Variants in MYLK4 observed in about 807,000 individuals in gnomAD.
MYLK4 encodes myosin light chain kinase family member 4.
In MYLK4, 46 loss-of-function variants were observed where a neutral mutation model predicts 48.1. That is an observed-to-expected ratio of 0.96 (90% CI 0.75 to 1.22). The LOEUF (loss-of-function observed/expected upper bound fraction) is 1.22, where lower values mean the gene tolerates loss of function less well. Ranked by LOEUF, MYLK4 falls within the 50% of genes most tolerant of loss-of-function variation. MYLK4 has a pLI of 0.00. For synonymous variants in MYLK4, 170 were observed against 180.8 expected, an observed-to-expected ratio of 0.94 and a Z score of 0.48; for missense variants, 451 against 486.1, an observed-to-expected ratio of 0.93 and a Z score of 0.68.
rs946674377 is a variant in MYLK4 at position 2,664,885 on chromosome 6, T to C, written c.*3040A>G. The C allele has an allele frequency of 6.6e-6, 1 of 152,310 alleles. No individual in the cohort carries two copies. Among genetic ancestry groups the C allele is most frequent in the South Asian group, 2.1e-4 (1 of 4,822 alleles). The allele number at this position is 152,310 out of a possible 1,614,324, so 9.4% of individuals were successfully genotyped here. A position where few individuals can be genotyped will look rare whatever the true frequency, so the allele number is the denominator to read the frequency against. On this transcript the variant is annotated 3_prime_UTR_variant, in exon 13 of 13. Coordinates refer to ENST00000274643, the MANE Select transcript of MYLK4 (RefSeq NM_001012418.5). ...TAGCAAATGGGGACATGTGCCCTCC[T>C]CTCCCTGATTTTTAAATAGCAACAG...
At chr6:2,721,616 G>T (rs1763073013) in intron 2 of MYLK4, among the ~76,000 whole-genome samples, 1 of 152,216 alleles carries the variant, frequency 6.6e-6, no homozygotes, top group Non-Finnish European at 1.5e-5. Flanking sequence ...TGCTACCCAA[G>T]ACTGCCTCAT....
intron 7 of MYLK4, 93 bp from the exon 8 acceptor site, chr6:2,680,384 A>G (rs1433497998): frequency 1.3e-6 from 2 of 1,593,608 alleles, no homozygotes; most frequent in African/African-American, 2.7e-5. Flanking sequence ...CGATGCTCAG[A>G]AAAAACATAT....
chr6:2,675,167 A>G lies in MYLK4; in HGVS notation c.1041-42T>C, dbSNP rs764335208. On this transcript the variant is annotated intron_variant, in intron 10 of 12. Transcript: ENST00000274643. ...AAGGTGATTAGTAGAAACACACCGA[A>G]GAAGGCCTGTATCTGCTGTTCAATC... 6.9e-6 allele frequency: 10 copies of G among 1,440,894 alleles called. 1 individual carries two copies. The South Asian group carries it at 1.0e-4, about 15-fold the overall frequency. 89.3% of individuals were successfully genotyped at this position (1,440,894 alleles called of 1,614,324 possible). A position where few individuals can be genotyped will look rare whatever the true frequency, so the allele number is the denominator to read the frequency against.
rs372119475 is a variant in MYLK4 at position 2,688,927 on chromosome 6, C to A, written c.265G>T (p.Asp89Tyr). Residue 89 changes from aspartate to tyrosine, a missense_variant, in exon 4 of 13, where the codon GAT becomes TAT. Transcript: ENST00000274643. ...VDIPAPPAPFDHRIVTAKQGA... is the reference protein window; with the variant it reads ...VDIPAPPAPFYHRIVTAKQGA... ...TGCTTGGCTGTCACAATACGATGATCAAATGGGGCCGGAGGAGCCGGGATG... is the reference window on the plus strand; with the variant it reads ...TGCTTGGCTGTCACAATACGATGATAAAATGGGGCCGGAGGAGCCGGGATG... 9.9e-6 allele frequency: 16 copies of A among 1,614,028 alleles called. No individual in the cohort carries two copies. Among genetic ancestry groups the A allele is most frequent in the Non-Finnish European group, 1.4e-5 (16 of 1,180,022 alleles).
At chr6:2,669,022 G>A (rs1337934309) in intron 12 of MYLK4, among the ~76,000 whole-genome samples, 2 of 151,966 alleles carry the variant, frequency 1.3e-5, no homozygotes, top group Non-Finnish European at 2.9e-5. Context: ...GAGCTATGCT[G>A]ATGACACTGC....
the MYLK4 span, chr6:2,766,458 T>C: frequency 6.0e-6 from 9 of 1,499,484 alleles, no homozygotes; most frequent in African/African-American, 7.0e-5. Context: ...AGTGCGGCCT[T>C]GGCCGTTGGG....
rs371993164 is a variant in MYLK4, at chr6:2,683,187, C to T, written c.546-25G>A. The T allele has an allele frequency of 2.5e-5, 41 of 1,613,516 alleles. No individual in the cohort carries two copies. The African/African-American group carries it at 5.2e-4, about 20-fold the overall frequency. ...ACTGCAGAGGGAAGAGGACTGAAAC[C>T]CTCAGTCCCGATTTCCTTACCACCA... is the stretch of plus-strand genomic sequence containing the variant. On this transcript the variant is annotated intron_variant, in intron 6 of 12. Transcript: ENST00000274643.
chr6:2,723,656 T>C (rs1371915647), intron 2 of MYLK4, among the ~76,000 whole-genome samples: 1 of 152,156 alleles, frequency 6.6e-6, no homozygotes, highest in East Asian at 1.9e-4. Context: ...TTTTGGCTTT[T>C]TGCATCCTCA....
At chr6:2,740,952 C>A (rs979664499) in intron 2 of MYLK4, among the ~76,000 whole-genome samples, 2 of 152,102 alleles carry the variant, frequency 1.3e-5, no homozygotes, top group Admixed American at 6.5e-5. Context: ...CACTTCATTG[C>A]AAGAGACTTT....
chr6:2,697,241 T>C (rs1291108868), intron 2 of MYLK4, among the ~76,000 whole-genome samples: 1 of 152,228 alleles, frequency 6.6e-6, no homozygotes, highest in Non-Finnish European at 1.5e-5. Flanking sequence ...TTCTGAAGTG[T>C]GTTTTGGAGC....
intron 2 of MYLK4, among the ~76,000 whole-genome samples, chr6:2,728,617 A>G (rs920340092): frequency 6.6e-6 from 1 of 152,170 alleles, no homozygotes; most frequent in African/African-American, 2.4e-5. Flanking sequence ...AGCCATGCCC[A>G]GAGAGGTTGG....
Position 2,688,939 on chromosome 6 carries a change from G to A in MYLK4, c.253C>T (p.Pro85Ser). The A allele has an allele frequency of 6.2e-7, 1 of 1,614,178 alleles. No homozygotes were observed. Among genetic ancestry groups the A allele is most frequent in the Non-Finnish European group, 8.5e-7 (1 of 1,180,004 alleles). The change falls in exon 4 of 13, where the codon CCG (proline) becomes TCG (serine). Residue 85 changes from proline to serine, a missense_variant. Pro to Ser is a moderately conservative substitution (Grantham distance 74, BLOSUM62 -1). Transcript: ENST00000274643. ...ACAATACGATGATCAAATGGGGCCGGAGGAGCCGGGATGTCAACTAGAAGG... is the reference window on the plus strand; with the variant it reads ...ACAATACGATGATCAAATGGGGCCGAAGGAGCCGGGATGTCAACTAGAAGG... ...SALAVDIPAP[P>S]APFDHRIVTA...
intron 12 of MYLK4, among the ~76,000 whole-genome samples, chr6:2,668,924 C>G (rs1399055880): frequency 6.6e-6 from 1 of 151,880 alleles, no homozygotes; most frequent in African/African-American, 2.4e-5. Flanking sequence ...AAAAATTAGC[C>G]AGGCGTGGTG....
At chr6:2,678,487 C>CCTG in intron 9 of MYLK4, 115 bp from the exon 10 acceptor site, 1 of 1,139,714 alleles carries the variant, frequency 8.8e-7, no homozygotes, top group Non-Finnish European at 1.2e-6. Flanking sequence ...TAACCTAATC[C>CCTG]TGAAGCATAA....
At chr6:2,738,019 G>GAAA (rs1248382409) in intron 2 of MYLK4, among the ~76,000 whole-genome samples, 2 of 139,478 alleles carry the variant, frequency 1.4e-5, no homozygotes, top group African/African-American at 5.1e-5. Context: ...CCCAGATGAG[G>GAAA]AAATACTTGA....
the MYLK4 span, among the ~76,000 whole-genome samples, chr6:2,764,447 C>G: frequency 6.6e-6 from 1 of 152,142 alleles, no homozygotes; most frequent in East Asian, 1.9e-4. Flanking sequence ...AATAAAAATT[C>G]AAGTTTTGGC....
At chr6:2,681,013 C>A (rs186310415) in intron 7 of MYLK4, among the ~76,000 whole-genome samples, 8 of 152,220 alleles carry the variant, frequency 5.3e-5, no homozygotes, top group African/African-American at 1.9e-4. Context: ...TCACAGAATG[C>A]CTTACAAGTG....
intron 6 of MYLK4, among the ~76,000 whole-genome samples, chr6:2,683,746 G>A (rs1761418512): frequency 6.6e-6 from 1 of 152,122 alleles, no homozygotes; most frequent in Non-Finnish European, 1.5e-5. Context: ...AGTGTCTTCA[G>A]CTCTGGGGTG....
At chr6:2,733,024 G>A (rs535574847) in intron 2 of MYLK4, among the ~76,000 whole-genome samples, 43 of 152,262 alleles carry the variant, frequency 2.8e-4, no homozygotes, top group Admixed American at 1.4e-3. Context: ...AACTATTCAG[G>A]CAGAGAATGG....
Sources: allele counts gnomAD v4.1 joint callset (sites outside exome capture counted in the v4.1 genomes callset), GRCh38; gene constraint gnomAD v4.1.1; transcripts MANE v1.5; gene names NCBI Gene and HGNC (gene_info 2026-07-23, HGNC 2026-07-21).